ADAMTSL3: variants seen among roughly 807,000 people sequenced by gnomAD.
ADAMTSL3 encodes ADAMTS-like protein 3.
In ADAMTSL3, 128 loss-of-function variants were observed where a neutral mutation model predicts 201.7. The ratio of observed to expected loss-of-function variants is 0.63; its 90% CI spans 0.55 to 0.73. The LOEUF (loss-of-function observed/expected upper bound fraction) is 0.73. ADAMTSL3 is among the 30% of genes least tolerant of loss of function. The pLI is 0.00. For missense variants in ADAMTSL3, 1,990 were observed against 2,119.6 expected, an observed-to-expected ratio of 0.94 and a Z score of 1.20; for synonymous variants, 738 against 748.4, an observed-to-expected ratio of 0.99 and a Z score of 0.23.
rs1479459308 is a variant in ADAMTSL3, at chr15:83,820,016, C to T, written c.569C>T (p.Ser190Phe). 1 of 1,614,048 alleles carries T rather than the reference C, an allele frequency of 6.2e-7. No homozygotes were observed. The highest frequency in any genetic ancestry group is 8.5e-7 in the Non-Finnish European group (1 of 1,180,038). ...VLDGTRCNTD[S>F]LDMCISGICQ... The stretch of plus-strand genomic sequence containing the variant: ...GATGGAACTCGTTGCAACACGGACT[C>T]CTTGGACATGTGTATCAGTGGCATC... Residue 190 changes from serine (S) to phenylalanine (F), a missense_variant, in exon 6 of 30, where the codon TCC becomes TTC. Coordinates refer to ENST00000286744, the MANE Select transcript of ADAMTSL3 (RefSeq NM_207517.3).
chr15:83,811,057 C>T (rs890645371), intron 5 of ADAMTSL3, among the ~76,000 whole-genome samples: 6 of 152,090 alleles, frequency 3.9e-5, no homozygotes, highest in Admixed American at 3.3e-4. Context: ...TTTCTGTAGT[C>T]ATATCTTCCT....
intron 2 of ADAMTSL3, among the ~76,000 whole-genome samples, chr15:83,702,044 C>T (rs2061785387): frequency 6.6e-6 from 1 of 152,084 alleles, no homozygotes; most frequent in Non-Finnish European, 1.5e-5. Flanking sequence ...GAGGTGGTCT[C>T]AGATAGAGAT....
chr15:83,715,765 C>T (rs2062008502), intron 3 of ADAMTSL3, among the ~76,000 whole-genome samples: 2 of 152,224 alleles, frequency 1.3e-5, no homozygotes, highest in Admixed American at 1.3e-4. Flanking sequence ...AGCTTGGCCC[C>T]AGGTTACCTG....
intron 2 of ADAMTSL3, among the ~76,000 whole-genome samples, chr15:83,672,106 G>A (rs987402743): frequency 3.3e-5 from 5 of 152,116 alleles, no homozygotes; most frequent in Non-Finnish European, 5.9e-5. Flanking sequence ...AGAATCCTGG[G>A]CATTTTAAAC....
At chr15:83,724,969 A>G (rs565939510) in intron 3 of ADAMTSL3, among the ~76,000 whole-genome samples, 18 of 151,734 alleles carry the variant, frequency 1.2e-4, no homozygotes, top group Admixed American at 2.6e-4. Context: ...ATGGACCCTT[A>G]TGTTGCTTCC....
At chr15:83,739,910 G>A in intron 3 of ADAMTSL3, 3 of 584,024 alleles carry the variant, frequency 5.1e-6, no homozygotes, top group Non-Finnish European at 6.8e-6. Flanking sequence ...AAGACCAGTG[G>A]GAGAGAAGAC....
intron 28 of ADAMTSL3, among the ~76,000 whole-genome samples, chr15:84,035,872 A>T (rs1166066042): frequency 6.6e-6 from 1 of 151,928 alleles, no homozygotes; most frequent in African/African-American, 2.4e-5. Context: ...CTGCTTCATT[A>T]TTTGCTCTTT....
intron 9 of ADAMTSL3, among the ~76,000 whole-genome samples, chr15:83,884,339 T>C (rs12906320): frequency 0.48 from 46,685 of 97,172 alleles, 8,931 homozygotes; most frequent in East Asian, 0.7. Flanking sequence ...CCCTATTTCC[T>C]TTTTTTTTTT....
chr15:83,943,906 G>C (rs953043164), intron 19 of ADAMTSL3, among the ~76,000 whole-genome samples: 1 of 152,142 alleles, frequency 6.6e-6, no homozygotes, highest in Non-Finnish European at 1.5e-5. Context: ...AGGGAATACA[G>C]TCCAAGACCC....
intron 26 of ADAMTSL3, among the ~76,000 whole-genome samples, chr15:84,024,021 C>T (rs888324267): frequency 3.3e-5 from 5 of 152,138 alleles, no homozygotes; most frequent in Non-Finnish European, 5.9e-5. Context: ...TTTGGGAGGC[C>T]GAGGCGGGCG....
intron 3 of ADAMTSL3, among the ~76,000 whole-genome samples, chr15:83,720,476 A>G (rs958852561): frequency 1.3e-5 from 2 of 152,236 alleles, no homozygotes; most frequent in Non-Finnish European, 2.9e-5. Flanking sequence ...GCAGTAATTT[A>G]AAGTTTAATT....
chr15:84,012,423 T>G (rs1427223996), intron 23 of ADAMTSL3, among the ~76,000 whole-genome samples: 1 of 152,202 alleles, frequency 6.6e-6, no homozygotes, highest in Non-Finnish European at 1.5e-5. Flanking sequence ...AGAGGCCACC[T>G]GCACTCCCCA....
At chr15:83,664,770 A>G (rs191634383) in intron 2 of ADAMTSL3, among the ~76,000 whole-genome samples, 4 of 152,334 alleles carry the variant, frequency 2.6e-5, no homozygotes. Flanking sequence ...AGTTGAGGCC[A>G]GAAGCTTGAG....
chr15:83,865,653 A>G (rs978294954), intron 8 of ADAMTSL3, among the ~76,000 whole-genome samples: 2 of 152,246 alleles, frequency 1.3e-5, no homozygotes, highest in Non-Finnish European at 2.9e-5. Flanking sequence ...CTAAAACCAT[A>G]AAAACCCTAG....
At chr15:84,036,649 A>T in intron 28 of ADAMTSL3, 124 bp from the exon 29 acceptor site, 1 of 698,950 alleles carries the variant, frequency 1.4e-6, no homozygotes, top group Non-Finnish European at 2.3e-6. Context: ...TCTTGGTCTT[A>T]GACTCTCCAT....
chr15:83,774,897 A>G (rs1158284677), intron 4 of ADAMTSL3, among the ~76,000 whole-genome samples: 1 of 148,172 alleles, frequency 6.7e-6, no homozygotes, highest in Non-Finnish European at 1.5e-5. Flanking sequence ...CCCAGACTGG[A>G]GTGCAGTGGT....
chr15:84,003,576 G>T (rs966044526), intron 23 of ADAMTSL3, among the ~76,000 whole-genome samples: 1 of 152,130 alleles, frequency 6.6e-6, no homozygotes, highest in Non-Finnish European at 1.5e-5. Flanking sequence ...TGGCTAGTCC[G>T]GAGTTTCCCA....
Position 83,708,769 on chromosome 15 carries a change from A to AT in ADAMTSL3, c.189+4263dup, listed in dbSNP as rs1295483633. Reference sequence around the variant, plus strand: ...CACGTTGCAGAGTGTTAATTGGATCATTCTGATTATTGAGGCAGTCTTGCC... The same window carrying AT: ...CACGTTGCAGAGTGTTAATTGGATCATTTCTGATTATTGAGGCAGTCTTGCC... On this transcript the variant is annotated intron_variant, in intron 3 of 29. Transcript: ENST00000286744. Among the ~76,000 whole-genome samples, 3 of 152,232 alleles carry AT rather than the reference A, an allele frequency of 2.0e-5. No individual in the cohort carries two copies. The East Asian group carries it at 5.8e-4, about 29-fold the overall frequency.
At chr15:83,992,785 T>C (rs1429810599) in intron 23 of ADAMTSL3, among the ~76,000 whole-genome samples, 1 of 152,214 alleles carries the variant, frequency 6.6e-6, no homozygotes, top group Non-Finnish European at 1.5e-5. Flanking sequence ...TCTAGTTTTA[T>C]TCTCATCCAG....
Sources: gnomAD v4.1 joint callset for allele counts (sites outside exome capture counted in the v4.1 genomes callset) on GRCh38, gnomAD v4.1.1 for gene constraint, MANE v1.5 for transcripts, NCBI Gene and HGNC (gene_info 2026-07-23, HGNC 2026-07-21) for gene names.